ZNF423: variants seen among roughly 807,000 people sequenced by gnomAD.
The protein encoded by ZNF423 is zinc finger protein 423, also known as Ebf-associated zinc finger protein.
Under a neutral mutation model 95.8 loss-of-function variants are expected in ZNF423, and 12 were observed. The observed-to-expected ratio is 0.13, with a 90% CI of 0.08 to 0.20. The LOEUF (loss-of-function observed/expected upper bound fraction) is 0.20, where lower values mean the gene tolerates loss of function less well. Ranked by LOEUF, ZNF423 falls within the 10% of genes least tolerant of loss-of-function variation. ZNF423 has a pLI of 1.00. For synonymous variants in ZNF423, 749 were observed against 711.9 expected, an observed-to-expected ratio of 1.05 and a Z score of -0.83; for missense variants, 1,316 against 1,737.1, an observed-to-expected ratio of 0.76 and a Z score of 4.31.
rs142463309 is a variant in ZNF423, at chr16:49,702,280, G to A, written c.301+28491C>T. Among the ~76,000 whole-genome samples the A allele has an allele frequency of 8.5e-4, 130 of 152,292 alleles. 2 individuals are homozygous for A. The highest frequency in any genetic ancestry group is 2.7e-3 in the African/African-American group (114 of 41,572). ...CAGCGAGTCTCTGAACGCTGGAACC[G>A]GTACCATCCATATTTCATAACAGGG... On this transcript the variant is annotated intron_variant, in intron 3 of 7. Coordinates refer to ENST00000563137, the MANE Select transcript of ZNF423 (RefSeq NM_001379286.1).
At chr16:49,505,762 G>T (rs761940159) in intron 7 of ZNF423, among the ~76,000 whole-genome samples, 3 of 152,220 alleles carry the variant, frequency 2.0e-5, no homozygotes, top group Non-Finnish European at 4.4e-5. Flanking sequence ...GAAAGGCAGG[G>T]CTCCATGGGC....
intron 3 of ZNF423, among the ~76,000 whole-genome samples, chr16:49,661,343 T>C (rs1022225515): frequency 6.6e-6 from 1 of 152,102 alleles, no homozygotes; most frequent in Non-Finnish European, 1.5e-5. Context: ...AATAAGGGTA[T>C]GTGAATATGC....
At chr16:49,827,246 CCCCCG>C (rs1331257601) in intron 1 of ZNF423, among the ~76,000 whole-genome samples, 1 of 152,118 alleles carries the variant, frequency 6.6e-6, no homozygotes, top group Non-Finnish European at 1.5e-5. Context: ...ACAGAGCAGG[CCCCCG>C]CCTCATCCCT....
chr16:49,634,398 C>T (rs1006631532), intron 4 of ZNF423, among the ~76,000 whole-genome samples: 7 of 152,110 alleles, frequency 4.6e-5, no homozygotes, highest in African/African-American at 1.2e-4. Flanking sequence ...TATCCACGGA[C>T]GGGTCCCCTG....
rs1054872892 is a variant in ZNF423 at position 49,636,711 on chromosome 16, T to C, written c.2465A>G (p.Lys822Arg). The C allele has an allele frequency of 1.2e-6, 2 of 1,614,118 alleles. No homozygotes were observed. The highest frequency in any genetic ancestry group is 1.7e-6 in the Non-Finnish European group (2 of 1,180,028). ...SKKYNCKFCS[K>R]AFHAIILLEK... Reference sequence around the variant, plus strand: ...CAGCAGGATGATGGCGTGGAAGGCCTTGCTGCAGAACTTACAGTTATACTT... The same window carrying C: ...CAGCAGGATGATGGCGTGGAAGGCCCTGCTGCAGAACTTACAGTTATACTT... The change falls in exon 4 of 8, where the codon AAG (lysine) becomes AGG (arginine). Residue 822 changes from lysine to arginine, a missense_variant. Lys to Arg is a conservative substitution (Grantham distance 26, BLOSUM62 2). Coordinates refer to ENST00000563137, the MANE Select transcript of ZNF423 (RefSeq NM_001379286.1). The surrounding 1 kb of genome is among the most constrained non-coding windows in gnomAD (Gnocchi z 8.6).
chr16:49,671,692 A>G (rs181908937), intron 3 of ZNF423, among the ~76,000 whole-genome samples: 1 of 151,152 alleles, frequency 6.6e-6, no homozygotes, highest in Non-Finnish European at 1.5e-5. Flanking sequence ...TTTATTTATT[A>G]TTTTTTTTTG....
At chr16:49,804,017 C>T (rs1366674268) in intron 1 of ZNF423, among the ~76,000 whole-genome samples, 2 of 150,152 alleles carry the variant, frequency 1.3e-5, no homozygotes, top group African/African-American at 4.9e-5. Flanking sequence ...CTCACTGCAT[C>T]CTCCACCTCC....
chr16:49,619,843 C>T (rs1183432873), intron 5 of ZNF423, among the ~76,000 whole-genome samples: 1 of 152,142 alleles, frequency 6.6e-6, no homozygotes, highest in African/African-American at 2.4e-5. Flanking sequence ...TTTTCATGTT[C>T]ATGAGATTTT....
intron 1 of ZNF423, among the ~76,000 whole-genome samples, chr16:49,820,005 A>G (rs2144016928): frequency 6.6e-6 from 1 of 152,194 alleles, no homozygotes; most frequent in East Asian, 1.9e-4. Flanking sequence ...GAGTATTATT[A>G]AAGGTATATT....
At chr16:49,630,361 A>G (rs1322277105) in intron 4 of ZNF423, among the ~76,000 whole-genome samples, 1 of 151,938 alleles carries the variant, frequency 6.6e-6, no homozygotes, top group Non-Finnish European at 1.5e-5. Context: ...GCCCCCACCT[A>G]CTCTGCTTGG....
At chr16:49,813,132 T>C (rs2034780117) in intron 1 of ZNF423, among the ~76,000 whole-genome samples, 1 of 152,072 alleles carries the variant, frequency 6.6e-6, no homozygotes, top group Non-Finnish European at 1.5e-5. Flanking sequence ...TGCTGCTCTC[T>C]CTCAACTCCC....
At chr16:49,668,892 A>G (rs1225593476) in intron 3 of ZNF423, among the ~76,000 whole-genome samples, 2 of 152,130 alleles carry the variant, frequency 1.3e-5, no homozygotes, top group African/African-American at 2.4e-5. Context: ...AACCTCAACT[A>G]TAAAATGAAG....
At chr16:49,518,035 A>G (rs1968225744) in intron 7 of ZNF423, 1 of 451,318 alleles carries the variant, frequency 2.2e-6, no homozygotes, top group African/African-American at 2.0e-5. Flanking sequence ...CCTCCTGGTG[A>G]TGATATTGGC....
At chr16:49,706,292 C>A (rs79544193) in intron 3 of ZNF423, among the ~76,000 whole-genome samples, 9,826 of 152,316 alleles carry the variant, frequency 0.065, 473 homozygotes, top group South Asian at 0.3. Flanking sequence ...AACAATTGGA[C>A]CCTCCGTAAG....
intron 5 of ZNF423, among the ~76,000 whole-genome samples, chr16:49,599,931 G>C (rs1156468182): frequency 2.0e-5 from 3 of 152,196 alleles, no homozygotes; most frequent in Admixed American, 1.3e-4. Context: ...TTGTTGATGT[G>C]GGTGCTGGTT....
chr16:49,856,757 G>T (rs570306407), upstream of ZNF423, among the ~76,000 whole-genome samples: 8 of 147,966 alleles, frequency 5.4e-5, no homozygotes, highest in Non-Finnish European at 9.0e-5. Context: ...CCCGTGCGCC[G>T]GGCCGCCGCT....
At chr16:49,651,352 G>C (rs542059857) in intron 3 of ZNF423, among the ~76,000 whole-genome samples, 1 of 152,236 alleles carries the variant, frequency 6.6e-6, no homozygotes, top group African/African-American at 2.4e-5. Context: ...TGAAGGAGAA[G>C]AAGGCCTGGG....
intron 2 of ZNF423, among the ~76,000 whole-genome samples, chr16:49,786,151 C>G (rs1316851446): frequency 6.6e-6 from 1 of 152,234 alleles, no homozygotes; most frequent in Non-Finnish European, 1.5e-5. Flanking sequence ...ACGCCCCCGC[C>G]TCCGGACTGC....
At chr16:49,818,883 T>C (rs986410920) in intron 1 of ZNF423, among the ~76,000 whole-genome samples, 1 of 152,004 alleles carries the variant, frequency 6.6e-6, no homozygotes, top group African/African-American at 2.4e-5. Context: ...CAAGACCCTG[T>C]CTCTAAAAAA....
Sources: allele counts gnomAD v4.1 joint callset (sites outside exome capture counted in the v4.1 genomes callset), GRCh38; gene constraint gnomAD v4.1.1; non-coding constraint Gnocchi (gnomAD v3.1); transcripts MANE v1.5; gene names NCBI Gene and HGNC (gene_info 2026-07-23, HGNC 2026-07-21).